The following ZRANB3 variants were observed in gnomAD, a reference collection of about 807,000 sequenced individuals.
The protein encoded by ZRANB3 is DNA annealing helicase and endonuclease ZRANB3.
A neutral mutation model predicts 133.8 loss-of-function variants in ZRANB3; 125 were observed. The ratio of observed to expected loss-of-function variants is 0.93; its 90% CI spans 0.81 to 1.08. ZRANB3 has a LOEUF of 1.08. ZRANB3 is among the 50% of genes least tolerant of loss of function. ZRANB3 has a pLI of 0.00. For synonymous variants in ZRANB3, 387 were observed against 432.7 expected (o/e 0.89, Z 1.31); for missense variants, 1,229 against 1,275.5 (o/e 0.96, Z 0.56).
intron 8 of ZRANB3, among the ~76,000 whole-genome samples, chr2:135,281,395 A>C (rs1302661518): frequency 6.6e-6 from 1 of 151,794 alleles, no homozygotes; most frequent in Non-Finnish European, 1.5e-5. Flanking sequence ...TCACAGGTAA[A>C]TTGTGATTGG....
chr2:135,224,650 G>T lies in ZRANB3; in HGVS notation c.2159-133C>A, dbSNP rs559926309. On this transcript the variant is annotated intron_variant, in intron 14 of 20. Coordinates refer to ENST00000264159, the MANE Select transcript of ZRANB3 (RefSeq NM_032143.4). ...TCAATATATTTAACAAAAAGTAATT[G>T]TCTAGGCTTGAAATAAAACTACCAC... 5.6e-5 allele frequency: 31 copies of T among 553,836 alleles called. No individual in the cohort carries two copies. In the African/African-American group the frequency reaches 5.7e-4, roughly 10 times the overall value. The allele number at this position is 553,836 out of a possible 1,614,324, so 34.3% of individuals were successfully genotyped here. A position where few individuals can be genotyped will look rare whatever the true frequency, so the allele number is the denominator to read the frequency against.
chr2:135,314,776 TC>T (rs1404844782), intron 7 of ZRANB3, among the ~76,000 whole-genome samples: 1 of 150,024 alleles, frequency 6.7e-6, no homozygotes, highest in Non-Finnish European at 1.5e-5. Context: ...TGAGATGGAG[TC>T]TCGCTCTGTT....
At chr2:135,231,090 T>C (rs1439428742) in intron 12 of ZRANB3, 163 bp from the exon 13 acceptor site, 1 of 468,066 alleles carries the variant, frequency 2.1e-6, no homozygotes, top group East Asian at 3.7e-5. Flanking sequence ...TATACATATA[T>C]AAATATATAT....
chr2:135,303,448 T>C (rs1682540785), intron 8 of ZRANB3, among the ~76,000 whole-genome samples: 2 of 152,274 alleles, frequency 1.3e-5, no homozygotes, highest in Non-Finnish European at 2.9e-5. Context: ...TATCCAATTG[T>C]CTTAGTACCC....
At chr2:135,445,247 CA>C (rs1297772364) in intron 2 of ZRANB3, among the ~76,000 whole-genome samples, 1 of 151,856 alleles carries the variant, frequency 6.6e-6, no homozygotes, top group African/African-American at 2.4e-5. Context: ...AGTTAGACAT[CA>C]GCCTGGCCAA....
At chr2:135,269,258 AT>A in intron 10 of ZRANB3, 117 bp from the exon 11 acceptor site, 2 of 777,928 alleles carry the variant, frequency 2.6e-6, no homozygotes, top group Non-Finnish European at 3.6e-6. Context: ...TTAGTTGTCT[AT>A]TTTAGGCCAA....
intron 2 of ZRANB3, among the ~76,000 whole-genome samples, chr2:135,487,438 G>A (rs1471478561): frequency 1.3e-5 from 2 of 152,186 alleles, no homozygotes; most frequent in African/African-American, 4.8e-5. Flanking sequence ...TTTTAAGCCA[G>A]GCATTGACTT....
At chr2:135,270,244 T>A (rs1314086885) in intron 10 of ZRANB3, among the ~76,000 whole-genome samples, 4 of 152,116 alleles carry the variant, frequency 2.6e-5, no homozygotes, top group African/African-American at 9.7e-5. Context: ...AGGAGAGACA[T>A]CTTTAATTTT....
intron 3 of ZRANB3, among the ~76,000 whole-genome samples, chr2:135,385,195 T>C (rs1324048202): frequency 1.3e-5 from 2 of 151,936 alleles, no homozygotes; most frequent in African/African-American, 4.8e-5. Flanking sequence ...TATACACCAA[T>C]AACAGACAAA....
rs148530087 is a variant in ZRANB3 at position 135,474,770 on chromosome 2, G to A, written c.161+29559C>T. Among the ~76,000 whole-genome samples the A allele has an allele frequency of 2.6e-5, 4 of 152,214 alleles. No homozygotes were observed. In the East Asian group the frequency reaches 5.8e-4, roughly 22 times the overall value. On this transcript the variant is annotated intron_variant, in intron 2 of 20. Coordinates refer to ENST00000264159, the MANE Select transcript of ZRANB3 (RefSeq NM_032143.4). ...CAAGGATGGATAATGAAATATTTTC[G>A]AGAATACCTATAGTTCGGTTTAAAT... is the stretch of plus-strand genomic sequence containing the variant.
rs373504236 is a variant in ZRANB3 at position 135,259,998 on chromosome 2, T to C, written c.1539+5536A>G. Among the ~76,000 whole-genome samples the C allele has an allele frequency of 2.0e-5, 3 of 152,190 alleles. No homozygotes were observed. In the East Asian group the frequency reaches 5.8e-4, roughly 29 times the overall value. On this transcript the variant is annotated intron_variant, in intron 12 of 20. Transcript: ENST00000264159. The stretch of plus-strand genomic sequence containing the variant: ...GGGAAGGGCCCCAATTTCCCACAGC[T>C]AGAGCTAGAGGAAGAGATACTTGTT...
chr2:135,404,157 G>A (rs1385829309), intron 2 of ZRANB3, among the ~76,000 whole-genome samples: 1 of 152,102 alleles, frequency 6.6e-6, no homozygotes. Flanking sequence ...CTACTCTGAG[G>A]TAAAGGAGGA....
chr2:135,382,540 G>C (rs1686760657), intron 3 of ZRANB3, among the ~76,000 whole-genome samples: 1 of 152,164 alleles, frequency 6.6e-6, no homozygotes, highest in South Asian at 2.1e-4. Flanking sequence ...ACACATAATT[G>C]TCAGATTCAC....
chr2:135,382,813 T>C (rs963972402), intron 3 of ZRANB3, among the ~76,000 whole-genome samples: 2 of 152,048 alleles, frequency 1.3e-5, no homozygotes, highest in South Asian at 2.1e-4. Flanking sequence ...CACCACCAGG[T>C]CTGCCCTAAA....
chr2:135,389,232 CTT>C (rs943934680), intron 3 of ZRANB3, among the ~76,000 whole-genome samples: 1 of 152,154 alleles, frequency 6.6e-6, no homozygotes, highest in Non-Finnish European at 1.5e-5. Context: ...GGCAATGACT[CTT>C]TTTCTAATTA....
chr2:135,530,431 T>A (rs1421615703), intron 1 of ZRANB3: 1 of 152,104 alleles, frequency 6.6e-6, no homozygotes, highest in East Asian at 1.9e-4. Flanking sequence ...TGTCACCCAC[T>A]CTTTCTTAAA....
intron 9 of ZRANB3, among the ~76,000 whole-genome samples, chr2:135,275,289 G>A (rs1407689196): frequency 1.3e-5 from 2 of 151,404 alleles, no homozygotes; most frequent in Admixed American, 6.6e-5. Flanking sequence ...GCGGCTGGCC[G>A]GGCGGGGGCT....
chr2:135,209,612 C>G (rs149709681), intron 17 of ZRANB3, among the ~76,000 whole-genome samples: 3,819 of 152,240 alleles, frequency 0.025, 80 homozygotes, highest in Middle Eastern at 0.037. Flanking sequence ...ACACAATGTT[C>G]AGGGACTAGA....
intron 2 of ZRANB3, among the ~76,000 whole-genome samples, chr2:135,402,716 G>C (rs1242917894): frequency 6.6e-6 from 1 of 151,978 alleles, no homozygotes; most frequent in East Asian, 1.9e-4. Flanking sequence ...CTCCTGAGTA[G>C]CTGGAATTAC....
Sources: gnomAD v4.1 joint callset for allele counts (sites outside exome capture counted in the v4.1 genomes callset) on GRCh38, gnomAD v4.1.1 for gene constraint, MANE v1.5 for transcripts, NCBI Gene and HGNC (gene_info 2026-07-23, HGNC 2026-07-21) for gene names.